The following ARHGAP32 variants were observed in gnomAD, a reference collection of about 807,000 sequenced individuals.
ARHGAP32 encodes rho GTPase-activating protein 32.
Under a neutral mutation model 186.5 loss-of-function variants are expected in ARHGAP32, and 51 were observed. The observed-to-expected ratio is 0.27, with a 90% confidence interval of 0.22 to 0.35. The LOEUF (loss-of-function observed/expected upper bound fraction) is 0.35. Among genes scored for constraint, ARHGAP32 ranks in the 10% least tolerant of loss-of-function variants. The probability of loss-of-function intolerance (pLI) is 1.00; values close to 1 mark genes in which losing one functional copy is unlikely to be tolerated. For synonymous variants in ARHGAP32, 950 were observed against 964.3 expected (o/e 0.99, Z 0.27); for missense variants, 2,186 against 2,623.5 (o/e 0.83, Z 3.64).
At chr11:129,206,846 C>T (rs1216431196) in intron 1 of ARHGAP32, among the ~76,000 whole-genome samples, 2 of 151,728 alleles carry the variant, frequency 1.3e-5, no homozygotes. Flanking sequence ...TGGTGGTTTG[C>T]TGCACCCACC....
At chr11:129,151,390 T>C (rs888603798) in intron 2 of ARHGAP32, among the ~76,000 whole-genome samples, 3 of 152,184 alleles carry the variant, frequency 2.0e-5, no homozygotes, top group Non-Finnish European at 4.4e-5. Context: ...AGATATTTAC[T>C]GGACAGTCTA....
intron 1 of ARHGAP32, among the ~76,000 whole-genome samples, chr11:129,211,415 T>C (rs1944580999): frequency 6.6e-6 from 1 of 152,218 alleles, no homozygotes; most frequent in Non-Finnish European, 1.5e-5. Context: ...TATATATTCC[T>C]TTAGAGCCAG....
At chr11:129,029,283 C>A (rs1938992860) in intron 11 of ARHGAP32, among the ~76,000 whole-genome samples, 1 of 152,098 alleles carries the variant, frequency 6.6e-6, no homozygotes, top group South Asian at 2.1e-4. Context: ...GAACAAAAAT[C>A]TTTATGTCTA....
rs766938858 is a variant in ARHGAP32 at position 128,970,511 on chromosome 11, G to C, written c.4702C>G (p.Arg1568Gly). ...ASGHHSKPCS[R>G]VEYVSSLSSS... ...CTCAAAGAAGACACATACTCGACCCGGCTGCATGGCTTGGAGTGGTGTCCA... is the reference window on the plus strand; with the variant it reads ...CTCAAAGAAGACACATACTCGACCCCGCTGCATGGCTTGGAGTGGTGTCCA... Residue 1568 changes from arginine (R) to glycine (G), a missense_variant, in exon 23 of 23, where the codon CGG becomes GGG. Arg to Gly is a moderately radical substitution (Grantham distance 125). Coordinates refer to ENST00000682385, the MANE Select transcript of ARHGAP32 (RefSeq NM_001378024.1). This position sits in a 1 kb window ranked among gnomAD's most constrained non-coding sequence, Gnocchi z 5.8. 6.2e-7 allele frequency: 1 copy of C among 1,614,150 alleles called. No individual in the cohort carries two copies. The highest frequency in any genetic ancestry group is 8.5e-7 in the Non-Finnish European group (1 of 1,180,016).
chr11:129,230,708 A>G (rs938406974), intron 1 of ARHGAP32, among the ~76,000 whole-genome samples: 3 of 152,200 alleles, frequency 2.0e-5, no homozygotes, highest in East Asian at 3.8e-4. Context: ...ACTTTTTAAA[A>G]TATCTTTGAG....
At chr11:129,000,408 A>C (rs1342885742) in intron 11 of ARHGAP32, among the ~76,000 whole-genome samples, 1 of 152,238 alleles carries the variant, frequency 6.6e-6, no homozygotes, top group African/African-American at 2.4e-5. Context: ...TAGAAGACTA[A>C]GCCAGATGGC....
chr11:129,078,390 G>A (rs977118596), intron 6 of ARHGAP32, among the ~76,000 whole-genome samples: 11 of 152,160 alleles, frequency 7.2e-5, no homozygotes, highest in African/African-American at 1.9e-4. Context: ...GTAAGATGAC[G>A]AAACAAGGTT....
At chr11:129,007,849 G>A (rs765980004) in intron 11 of ARHGAP32, among the ~76,000 whole-genome samples, 5 of 152,134 alleles carry the variant, frequency 3.3e-5, no homozygotes, top group African/African-American at 4.8e-5. Flanking sequence ...CAAGGCCCCA[G>A]AGCACTTTAG....
At chr11:129,132,434 T>C (rs1232779978) in intron 2 of ARHGAP32, among the ~76,000 whole-genome samples, 1 of 150,870 alleles carries the variant, frequency 6.6e-6, no homozygotes, top group African/African-American at 2.4e-5. Flanking sequence ...GCCATGATTA[T>C]GCCACTGCAC....
At chr11:129,240,040 C>G (rs951122415) in intron 1 of ARHGAP32, among the ~76,000 whole-genome samples, 1 of 152,036 alleles carries the variant, frequency 6.6e-6, no homozygotes, top group African/African-American at 2.4e-5. Context: ...TTCCCCTATA[C>G]TTTTTCATTT....
At chr11:129,043,730 C>G (rs898296598) in intron 10 of ARHGAP32, among the ~76,000 whole-genome samples, 6 of 152,054 alleles carry the variant, frequency 3.9e-5, no homozygotes, top group Admixed American at 3.9e-4. Flanking sequence ...CATATTTCTT[C>G]TCTGCCTTCA....
intron 11 of ARHGAP32, among the ~76,000 whole-genome samples, chr11:129,014,663 G>A (rs1329234466): frequency 1.3e-5 from 2 of 152,208 alleles, no homozygotes; most frequent in Admixed American, 6.5e-5. Flanking sequence ...TACCTGTGCA[G>A]ATTGTTCTGA....
intron 1 of ARHGAP32, among the ~76,000 whole-genome samples, chr11:129,184,649 C>A (rs1270193417): frequency 2.6e-5 from 4 of 151,966 alleles, no homozygotes; most frequent in African/African-American, 4.8e-5. Context: ...AAAAAAATTT[C>A]TTCCCTAACA....
intron 10 of ARHGAP32, among the ~76,000 whole-genome samples, chr11:129,052,224 T>G (rs1940080647): frequency 6.6e-6 from 1 of 152,212 alleles, no homozygotes. Flanking sequence ...TACAACTGTA[T>G]GTATGTATTT....
At chr11:129,097,308 AT>A (rs1475451610) in intron 5 of ARHGAP32, among the ~76,000 whole-genome samples, 1 of 152,112 alleles carries the variant, frequency 6.6e-6, no homozygotes, top group African/African-American at 2.4e-5. Flanking sequence ...AAATCTACAA[AT>A]TTTTTTAATA....
At chr11:129,083,281 A>G (rs575535714) in intron 6 of ARHGAP32, among the ~76,000 whole-genome samples, 2 of 152,318 alleles carry the variant, frequency 1.3e-5, no homozygotes, top group African/African-American at 4.8e-5. Context: ...TTGCCCACAC[A>G]TGTTTATAGC....
At chr11:129,272,453 C>T (rs1055503752) in intron 1 of ARHGAP32, among the ~76,000 whole-genome samples, 4 of 152,190 alleles carry the variant, frequency 2.6e-5, no homozygotes, top group Non-Finnish European at 4.4e-5. Flanking sequence ...GATTAGCTTC[C>T]TTTCTAAGGC....
At chr11:129,230,648 A>G (rs1177002266) in intron 1 of ARHGAP32, among the ~76,000 whole-genome samples, 1 of 152,178 alleles carries the variant, frequency 6.6e-6, no homozygotes, top group Admixed American at 6.5e-5. Context: ...TTTTTAAAAT[A>G]TTATTTCTCA....
chr11:129,092,751 T>C (rs1170796441), intron 6 of ARHGAP32, among the ~76,000 whole-genome samples: 1 of 151,988 alleles, frequency 6.6e-6, no homozygotes, highest in Non-Finnish European at 1.5e-5. Flanking sequence ...TTGGACTTTT[T>C]TGGATCATTT....
Sources: allele counts gnomAD v4.1 joint callset (sites outside exome capture counted in the v4.1 genomes callset), GRCh38; gene constraint gnomAD v4.1.1; non-coding constraint Gnocchi (gnomAD v3.1); transcripts MANE v1.5; gene names NCBI Gene and HGNC (gene_info 2026-07-23, HGNC 2026-07-21).